The following KCNIP4 variants were observed in gnomAD, a reference collection of about 807,000 sequenced individuals.
KCNIP4 encodes potassium voltage-gated channel interacting protein 4.
KCNIP4 carries 12 observed loss-of-function variants against 34.0 expected under a neutral mutation model. The ratio of observed to expected loss-of-function variants is 0.35; its 90% confidence interval spans 0.23 to 0.57. The LOEUF (loss-of-function observed/expected upper bound fraction) is 0.57. Ranked by LOEUF, KCNIP4 falls within the 20% of genes least tolerant of loss-of-function variation. The pLI is 0.83. For synonymous variants in KCNIP4, 124 were observed against 102.2 expected (o/e 1.21, Z -1.29); for missense variants, 238 against 311.7 (o/e 0.76, Z 1.78).
In KCNIP4 at chr4:21,453,842, T is replaced by C. The variant is rs149933384; in HGVS notation, c.61+494729A>G. Among the ~76,000 whole-genome samples the C allele has an allele frequency of 3.0e-3, 453 of 152,248 alleles. 4 individuals carry two copies. Among genetic ancestry groups the C allele is most frequent in the Middle Eastern group, 0.01 (3 of 294 alleles). Reference sequence around the variant, plus strand: ...TTGCCAGGGAAGCAGTGCTGCGTGATGGCTGAGCACCTAAGCTCTAAAGTC... The same window carrying C: ...TTGCCAGGGAAGCAGTGCTGCGTGACGGCTGAGCACCTAAGCTCTAAAGTC... On this transcript the variant is annotated intron_variant, in intron 1 of 8. Transcript: ENST00000382152.
At chr4:21,509,426 T>C (rs1734118114) in intron 1 of KCNIP4, among the ~76,000 whole-genome samples, 1 of 152,186 alleles carries the variant, frequency 6.6e-6, no homozygotes, top group Non-Finnish European at 1.5e-5. Flanking sequence ...ATTTATACCA[T>C]TTCTACTTAA....
intron 1 of KCNIP4, among the ~76,000 whole-genome samples, chr4:21,566,775 T>C (rs1361889092): frequency 2.0e-5 from 3 of 152,136 alleles, no homozygotes; most frequent in Non-Finnish European, 4.4e-5. Context: ...TTGAGAGATT[T>C]ACTCCTGATG....
intron 1 of KCNIP4, among the ~76,000 whole-genome samples, chr4:21,078,470 G>C (rs1745705048): frequency 6.6e-6 from 1 of 151,970 alleles, no homozygotes; most frequent in Non-Finnish European, 1.5e-5. Context: ...TATTCTCAGA[G>C]AGAGAGAGAG....
intron 1 of KCNIP4, among the ~76,000 whole-genome samples, chr4:21,773,728 C>T (rs1718961521): frequency 8.6e-6 from 1 of 116,514 alleles, no homozygotes. Flanking sequence ...GCATTGCAAC[C>T]CCTGTTTTTT....
intron 1 of KCNIP4, among the ~76,000 whole-genome samples, chr4:21,837,185 G>C (rs1186397329): frequency 0.01 from 1 of 98 alleles, no homozygotes; most frequent in East Asian, 0.5. Flanking sequence ...CCAAAGTGCT[G>C]GGAATTACAG....
chr4:21,043,580 C>G (rs557454544), intron 1 of KCNIP4, among the ~76,000 whole-genome samples: 1 of 151,870 alleles, frequency 6.6e-6, no homozygotes, highest in Non-Finnish European at 1.5e-5. Context: ...CTCAAGTGAT[C>G]CACCCGCCTT....
intron 3 of KCNIP4, among the ~76,000 whole-genome samples, chr4:20,844,602 T>C (rs1185683973): frequency 6.6e-6 from 1 of 152,210 alleles, no homozygotes; most frequent in Non-Finnish European, 1.5e-5. Flanking sequence ...CAATTAGCAG[T>C]GAATTCCTCT....
At chr4:21,857,235 A>C (rs148334699) in intron 1 of KCNIP4, among the ~76,000 whole-genome samples, 2 of 152,352 alleles carry the variant, frequency 1.3e-5, no homozygotes, top group East Asian at 3.9e-4. Context: ...ACTCAGCCAG[A>C]TTCAAAAAGA....
At position 20,917,014 on chromosome 4, in the gene KCNIP4, T is replaced by C. The variant is rs1577362566; in HGVS notation, c.62-34305A>G. Among the ~76,000 whole-genome samples, 4 of 16,946 alleles carry C rather than the reference T, an allele frequency of 2.4e-4. No homozygotes were observed. In the South Asian group the frequency reaches 3.6e-3, roughly 15 times the overall value. 11.1% of individuals were successfully genotyped at this position (16,946 alleles called of 152,430 possible). ...ATATATATATATATATATATATATA[T>C]ATATATATATATATATATATATATA... On this transcript the variant is annotated intron_variant, in intron 1 of 8. Coordinates refer to ENST00000382152, the MANE Select transcript of KCNIP4 (RefSeq NM_025221.6).
intron 3 of KCNIP4, among the ~76,000 whole-genome samples, chr4:20,834,554 G>A (rs1372025028): frequency 6.6e-6 from 1 of 152,210 alleles, no homozygotes; most frequent in Admixed American, 6.5e-5. Context: ...GACATTGGAA[G>A]CATGAGAAGG....
At chr4:21,711,375 G>T (rs1017970514) in intron 1 of KCNIP4, among the ~76,000 whole-genome samples, 14 of 152,176 alleles carry the variant, frequency 9.2e-5, no homozygotes, top group African/African-American at 3.4e-4. Context: ...AGGAGGCTGA[G>T]GCAGGAGAAT....
Position 21,329,614 on chromosome 4 carries a change from G to A in KCNIP4, c.62-446905C>T, listed in dbSNP as rs188309572. 3.2e-4 allele frequency among the ~76,000 whole-genome samples: 49 copies of A among 152,230 alleles called. 1 individual carries two copies. In the South Asian group the frequency reaches 9.7e-3, roughly 30 times the overall value. ...ATATGGTGCTATGGAATTCAGATAA[G>A]GAAAGCCTTAATTCTGCTGACAGTG... On this transcript the variant is annotated intron_variant, in intron 1 of 8. Coordinates refer to ENST00000382152, the MANE Select transcript of KCNIP4 (RefSeq NM_025221.6).
chr4:20,968,487 T>C (rs1010619351), intron 1 of KCNIP4, among the ~76,000 whole-genome samples: 7 of 152,152 alleles, frequency 4.6e-5, no homozygotes, highest in African/African-American at 9.7e-5. Flanking sequence ...CATATGTTTA[T>C]TGCAGCACTA....
At chr4:20,975,774 G>T (rs1735429712) in intron 1 of KCNIP4, among the ~76,000 whole-genome samples, 2 of 152,100 alleles carry the variant, frequency 1.3e-5, no homozygotes, top group South Asian at 4.1e-4. Context: ...ACAGTGGTAG[G>T]CCAAATCTAG....
intron 1 of KCNIP4, among the ~76,000 whole-genome samples, chr4:21,285,230 A>C (rs1763049199): frequency 6.6e-6 from 1 of 152,128 alleles, no homozygotes; most frequent in Non-Finnish European, 1.5e-5. Context: ...GTGTCTGAGG[A>C]ACTTGGAGGT....
intron 1 of KCNIP4, among the ~76,000 whole-genome samples, chr4:21,667,509 T>C (rs991852748): frequency 5.9e-5 from 9 of 152,180 alleles, no homozygotes; most frequent in African/African-American, 2.2e-4. Flanking sequence ...ATGATATAAG[T>C]ATGCATCAGG....
At chr4:21,516,083 G>A (rs915707971) in intron 1 of KCNIP4, among the ~76,000 whole-genome samples, 2 of 152,142 alleles carry the variant, frequency 1.3e-5, no homozygotes, top group African/African-American at 4.8e-5. Flanking sequence ...CAAGAAACTG[G>A]TTGATGAATG....
intron 3 of KCNIP4, among the ~76,000 whole-genome samples, chr4:20,815,394 C>T (rs1444949882): frequency 6.6e-6 from 1 of 152,188 alleles, no homozygotes; most frequent in Non-Finnish European, 1.5e-5. Context: ...TCTCAGCCTT[C>T]AAGCCTATCG....
Position 21,665,870 on chromosome 4 carries a change from C to T in KCNIP4, c.61+282701G>A, listed in dbSNP as rs1239243514. ...CCCTATATCCCCTGAAGCCTTCATC[C>T]TTCCTCTGACCATACATGGCGCCCC... On this transcript the variant is annotated intron_variant, in intron 1 of 8. Coordinates refer to ENST00000382152, the MANE Select transcript of KCNIP4 (RefSeq NM_025221.6). Among the ~76,000 whole-genome samples the T allele has an allele frequency of 2.6e-5, 4 of 152,192 alleles. No individual in the cohort carries two copies. In the East Asian group the frequency reaches 7.7e-4, roughly 29 times the overall value.
Sources: gnomAD v4.1 joint callset for allele counts (sites outside exome capture counted in the v4.1 genomes callset) on GRCh38, gnomAD v4.1.1 for gene constraint, MANE v1.5 for transcripts, NCBI Gene and HGNC (gene_info 2026-07-23, HGNC 2026-07-21) for gene names.